The following G3BP2 variants were observed in gnomAD, a reference collection of about 807,000 sequenced individuals.
G3BP2 encodes ras GTPase-activating protein-binding protein 2.
A neutral mutation model predicts 56.7 loss-of-function variants in G3BP2; 11 were observed. That is an observed-to-expected ratio of 0.19 (90% CI 0.12 to 0.32). The LOEUF (loss-of-function observed/expected upper bound fraction) is 0.32, where lower values mean the gene tolerates loss of function less well. G3BP2 is among the 10% of genes least tolerant of loss of function. The pLI is 1.00. For missense variants in G3BP2, 340 were observed against 610.9 expected (o/e 0.56, Z 4.67); for synonymous variants, 165 against 191.6 (o/e 0.86, Z 1.15).
chr4:75,656,964 T>C lies in G3BP2; in HGVS notation c.402A>G (p.Glu134=), dbSNP rs759971628. The change falls in exon 5 of 12, where the codon GAA becomes GAG. Residue 134 remains glutamate (E), a synonymous_variant. Transcript: ENST00000359707. The stretch of plus-strand genomic sequence containing the variant: ...GCTCAGAATCACCAAACACTTCATC[T>C]TCATAACGAAACATATCATTGTGAA... The part of the protein sequence containing the change: ...FYVHNDMFRY[E]DEVFGDSEPE... 1 of 1,549,178 alleles carries C rather than the reference T, an allele frequency of 6.5e-7. No individual in the cohort carries two copies. The highest frequency in any genetic ancestry group is 1.8e-5 in the Admixed American group (1 of 56,868).
chr4:75,694,983 C>T, intron 3 of G3BP2: 1 of 969,346 alleles, frequency 1.0e-6, no homozygotes, highest in Non-Finnish European at 1.2e-6. Flanking sequence ...ATCGTCAAGA[C>T]CCGATGAATA....
chr4:75,673,857 T>C (rs1167348961), upstream of G3BP2: 1 of 211,088 alleles, frequency 4.7e-6, no homozygotes, highest in Non-Finnish European at 9.3e-6. Context: ...ATGCAGCCGG[T>C]GATTTCAGCT....
At chr4:75,691,582 C>A (rs781435498) in intron 3 of G3BP2, among the ~76,000 whole-genome samples, 9 of 152,156 alleles carry the variant, frequency 5.9e-5, no homozygotes, top group African/African-American at 2.2e-4. Flanking sequence ...CTACCCCCAC[C>A]CCCGACCTCC....
In G3BP2 at chr4:75,645,379, C is replaced by A; in HGVS notation, c.*51G>T. On this transcript the variant is annotated 3_prime_UTR_variant, in exon 12 of 12. Transcript: ENST00000359707. ...GCCAAAAAAAAAATTAACAAGAATG[C>A]AAACACGATGAATAATGTACCACTG... 6.5e-7 allele frequency: 1 copy of A among 1,527,058 alleles called. No individual in the cohort carries two copies. The allele number at this position is 1,527,058 out of a possible 1,614,324, so 94.6% of individuals were successfully genotyped here. A position where few individuals can be genotyped will look rare whatever the true frequency, so the allele number is the denominator to read the frequency against.
chr4:75,709,575 G>A (rs1719680174), intron 3 of G3BP2, among the ~76,000 whole-genome samples: 1 of 150,960 alleles, frequency 6.6e-6, no homozygotes, highest in South Asian at 2.1e-4. Context: ...TCATGCCACT[G>A]CACTCCAGCC....
At chr4:75,654,314 G>A (rs975347220) in intron 7 of G3BP2, among the ~76,000 whole-genome samples, 1 of 152,188 alleles carries the variant, frequency 6.6e-6, no homozygotes, top group African/African-American at 2.4e-5. Context: ...CCATAAGCAA[G>A]TTCCTACGTA....
At chr4:75,650,174 C>T (rs1044049896) in intron 8 of G3BP2, among the ~76,000 whole-genome samples, 1 of 151,974 alleles carries the variant, frequency 6.6e-6, no homozygotes, top group Non-Finnish European at 1.5e-5. Flanking sequence ...GTAGCTCATG[C>T]CTATCACCCC....
At chr4:75,706,268 T>C (rs1045680329) in intron 3 of G3BP2, among the ~76,000 whole-genome samples, 4 of 152,214 alleles carry the variant, frequency 2.6e-5, no homozygotes, top group African/African-American at 9.6e-5. Context: ...TTGGTAGATA[T>C]AGGGCCTCAC....
chr4:75,718,934 A>T (rs545751230), intron 3 of G3BP2, among the ~76,000 whole-genome samples: 3 of 152,304 alleles, frequency 2.0e-5, no homozygotes, highest in South Asian at 4.1e-4. Flanking sequence ...GAAAACCCAG[A>T]TAACAGGGAA....
Position 75,648,735 on chromosome 4 carries a change from C to A in G3BP2, c.832G>T (p.Val278Phe). 1 of 1,594,034 alleles carries A rather than the reference C, an allele frequency of 6.3e-7. No homozygotes were observed. The highest frequency in any genetic ancestry group is 8.6e-7 in the Non-Finnish European group (1 of 1,163,176). Residue 278 changes from valine to phenylalanine, a missense_variant, in exon 9 of 12, where the codon GTC becomes TTC. Transcript: ENST00000359707. Reference protein sequence around the residue: ...HVKAPVSQPRVEAKPEVQSQP... With the variant: ...HVKAPVSQPRFEAKPEVQSQP... ...GATTGAACTTCTGGTTTAGCTTCGACTCTTGGCTAAAATATAAAGAAAAAA... is the reference window on the plus strand; with the variant it reads ...GATTGAACTTCTGGTTTAGCTTCGAATCTTGGCTAAAATATAAAGAAAAAA...
At chr4:75,647,821 C>G (rs1337980036) in intron 9 of G3BP2, among the ~76,000 whole-genome samples, 1 of 152,178 alleles carries the variant, frequency 6.6e-6, no homozygotes, top group Non-Finnish European at 1.5e-5. Flanking sequence ...TAAAAATTCA[C>G]ATTGTAAATG....
chr4:75,690,576 C>A (rs889495830), intron 3 of G3BP2, among the ~76,000 whole-genome samples: 1 of 152,122 alleles, frequency 6.6e-6, no homozygotes, highest in African/African-American at 2.4e-5. Context: ...GAGTTTCTTT[C>A]TGAAGTGACA....
chr4:75,654,708 C>A (rs947948114), intron 7 of G3BP2, among the ~76,000 whole-genome samples: 3 of 152,172 alleles, frequency 2.0e-5, no homozygotes, highest in Non-Finnish European at 2.9e-5. Flanking sequence ...TATAGACCAA[C>A]TTGTTTAAGT....
At chr4:75,688,501 C>G (rs1192413364) in intron 3 of G3BP2, among the ~76,000 whole-genome samples, 1 of 152,148 alleles carries the variant, frequency 6.6e-6, no homozygotes, top group Non-Finnish European at 1.5e-5. Context: ...TCCAGTTGGC[C>G]TCGATCAAAG....
At chr4:75,649,005 G>T in intron 8 of G3BP2, 1 of 258,028 alleles carries the variant, frequency 3.9e-6, no homozygotes. Flanking sequence ...TTTCATTAAA[G>T]TTATATCAAC....
intron 8 of G3BP2, among the ~76,000 whole-genome samples, chr4:75,650,192 T>A (rs1194268978): frequency 1.3e-5 from 2 of 151,962 alleles, no homozygotes; most frequent in African/African-American, 4.8e-5. Context: ...CCCAGCACTT[T>A]GGGAGGCCGA....
upstream of G3BP2, among the ~76,000 whole-genome samples, chr4:75,677,763 G>A (rs1006647030): frequency 6.6e-6 from 1 of 152,158 alleles, no homozygotes; most frequent in Non-Finnish European, 1.5e-5. Flanking sequence ...CAAAACAAAT[G>A]TCTTGGCCCC....
At chr4:75,693,533 G>C (rs1033164076) in intron 3 of G3BP2, among the ~76,000 whole-genome samples, 3 of 151,700 alleles carry the variant, frequency 2.0e-5, no homozygotes, top group Non-Finnish European at 4.4e-5. Flanking sequence ...GCTCATGCCT[G>C]TAATCCCAGC....
In G3BP2 at chr4:75,649,113, T is replaced by C. The variant is rs80155442; in HGVS notation, c.826-372A>G. The C allele has an allele frequency of 9.6e-3, 1,579 of 164,496 alleles. 34 individuals carry two copies. The highest frequency in any genetic ancestry group is 0.036 in the African/African-American group (1,514 of 41,848). The allele number at this position is 164,496 out of a possible 1,614,324, so 10.2% of individuals were successfully genotyped here. On this transcript the variant is annotated intron_variant, in intron 8 of 11. Coordinates refer to ENST00000359707, the MANE Select transcript of G3BP2 (RefSeq NM_203505.3). ...AATACATAAACAAAATTAAAAGCCA[T>C]CTTCATCTTAGACAAGAATACATAA...
Sources: gnomAD v4.1 joint callset for allele counts (sites outside exome capture counted in the v4.1 genomes callset) on GRCh38, gnomAD v4.1.1 for gene constraint, MANE v1.5 for transcripts, NCBI Gene and HGNC (gene_info 2026-07-23, HGNC 2026-07-21) for gene names.